Variants in EZH2 observed in about 807,000 individuals in gnomAD.
The protein encoded by EZH2 is histone-lysine N-methyltransferase EZH2.
A neutral mutation model predicts 98.4 loss-of-function variants in EZH2; 18 were observed. The observed-to-expected ratio is 0.18, with a 90% confidence interval of 0.13 to 0.27. The LOEUF (loss-of-function observed/expected upper bound fraction) is 0.27, where lower values mean the gene tolerates loss of function less well. Ranked by LOEUF, EZH2 falls within the 10% of genes least tolerant of loss-of-function variation. The probability of loss-of-function intolerance (pLI) is 1.00; values close to 1 mark genes in which losing one functional copy is unlikely to be tolerated. For missense variants in EZH2, 470 were observed against 935.1 expected (o/e 0.50, Z 6.49); for synonymous variants, 338 against 312.3 (o/e 1.08, Z -0.87).
chr7:148,874,356 C>A (rs1819881989), intron 1 of EZH2, among the ~76,000 whole-genome samples: 1 of 152,086 alleles, frequency 6.6e-6, no homozygotes, highest in Non-Finnish European at 1.5e-5. Flanking sequence ...CCACTGAAAT[C>A]CAGGCTGGGT....
In EZH2 at chr7:148,811,723, A is replaced by G. The variant is rs1729337219; in HGVS notation, c.1852-3T>C. The G allele has an allele frequency of 5.6e-6, 9 of 1,610,282 alleles. No homozygotes were observed. The highest frequency in any genetic ancestry group is 7.6e-6 in the Non-Finnish European group (9 of 1,179,338). ...TCAGATGGTGCCAGCAATAGATGCT[A>G]GAGAATAAAACACAATCACATCATC... On this transcript the variant is annotated splice_polypyrimidine_tract_variant and splice_region_variant and intron_variant, in intron 15 of 19. Transcript: ENST00000320356.
At chr7:148,881,357 T>A (rs1820926382) in intron 1 of EZH2, among the ~76,000 whole-genome samples, 2 of 152,178 alleles carry the variant, frequency 1.3e-5, no homozygotes, top group Non-Finnish European at 2.9e-5. Context: ...GAAATTTGCC[T>A]AAAATTTTTA....
intron 8 of EZH2, among the ~76,000 whole-genome samples, chr7:148,824,448 T>C (rs1372951100): frequency 6.6e-6 from 1 of 152,238 alleles, no homozygotes; most frequent in East Asian, 1.9e-4. Flanking sequence ...ATATTTTCTA[T>C]GTTTATTATG....
chr7:148,883,992 C>G (rs1370830729), intron 1 of EZH2, 172 bp downstream of exon 1: 1 of 152,280 alleles, frequency 6.6e-6, no homozygotes, highest in Non-Finnish European at 1.5e-5. Context: ...GAGGGGGGCT[C>G]TCCCCTCACC....
chr7:148,829,596 T>C (rs1028923323), intron 5 of EZH2, 132 bp downstream of exon 5: 8 of 943,848 alleles, frequency 8.5e-6, no homozygotes, highest in African/African-American at 5.3e-5. Flanking sequence ...GGGCCCAGGT[T>C]CAGTCCCTTA....
chr7:148,866,600 ATAT>A (rs1431594199), intron 1 of EZH2, among the ~76,000 whole-genome samples: 2 of 147,086 alleles, frequency 1.4e-5, no homozygotes, highest in Non-Finnish European at 1.5e-5. Context: ...TATACACTAT[ATAT>A]TATATATAAT....
rs540507644 is a variant in EZH2 at position 148,881,206 on chromosome 7, T to C, written c.-8+2958A>G. 3.7e-4 allele frequency among the ~76,000 whole-genome samples: 56 copies of C among 152,366 alleles called. No homozygotes were observed. The South Asian group carries it at 5.4e-3, about 15-fold the overall frequency. ...AGAATACATTATATTGGAGGATTTG[T>C]CCTTGTTGGTTTTTAAAAAGCAGAT... is the stretch of plus-strand genomic sequence containing the variant. On this transcript the variant is annotated intron_variant, in intron 1 of 19. Transcript: ENST00000320356.
At chr7:148,817,179 ATGTT>A in intron 11 of EZH2, 39 bp downstream of exon 11, 1 of 1,569,518 alleles carries the variant, frequency 6.4e-7, no homozygotes, top group Non-Finnish European at 8.7e-7. Context: ...TTTTATCTCT[ATGTT>A]TGAAGCTCTT....
intron 3 of EZH2, among the ~76,000 whole-genome samples, chr7:148,836,077 A>C (rs1810846397): frequency 6.6e-6 from 1 of 152,176 alleles, no homozygotes; most frequent in African/African-American, 2.4e-5. Context: ...ACAAGAAATA[A>C]GCTCTCTGAG....
intron 13 of EZH2, among the ~76,000 whole-genome samples, 191 bp from the exon 14 acceptor site, chr7:148,815,230 T>C (rs535313208): frequency 2.6e-5 from 4 of 152,256 alleles, no homozygotes; most frequent in Non-Finnish European, 2.9e-5. Context: ...CCCAAGTGCT[T>C]ATGAGTTCCA....
At chr7:148,854,605 T>A (rs183527594) in intron 1 of EZH2, among the ~76,000 whole-genome samples, 3 of 152,358 alleles carry the variant, frequency 2.0e-5, no homozygotes, top group Admixed American at 2.0e-4. Context: ...CTTTGACTCT[T>A]AACTGAATAC....
At chr7:148,834,362 C>CATATATATATATATAT (rs1283044499) in intron 3 of EZH2, among the ~76,000 whole-genome samples, 67 of 147,874 alleles carry the variant, frequency 4.5e-4, no homozygotes, top group African/African-American at 1.7e-3. Flanking sequence ...TACACACACA[C>CATATATATATATATAT]ACACACACAC....
At chr7:148,821,491 C>T (rs2129473164) in intron 8 of EZH2, among the ~76,000 whole-genome samples, 1 of 152,058 alleles carries the variant, frequency 6.6e-6, no homozygotes, top group East Asian at 1.9e-4. Flanking sequence ...AATAAACATA[C>T]CACTAATTTT....
At chr7:148,866,644 A>G (rs1007963252) in intron 1 of EZH2, among the ~76,000 whole-genome samples, 1 of 146,812 alleles carries the variant, frequency 6.8e-6, no homozygotes, top group Non-Finnish European at 1.5e-5. Flanking sequence ...ATACATATAC[A>G]TATACGTATA....
intron 2 of EZH2, among the ~76,000 whole-genome samples, 181 bp downstream of exon 2, chr7:148,847,001 T>C (rs1189286849): frequency 2.6e-5 from 4 of 152,098 alleles, no homozygotes; most frequent in African/African-American, 9.7e-5. Context: ...AAACAAAGAC[T>C]GATTAATGTG....
intron 6 of EZH2, among the ~76,000 whole-genome samples, 188 bp from the exon 7 acceptor site, chr7:148,827,454 C>G (rs1808048866): frequency 6.6e-6 from 1 of 152,130 alleles, no homozygotes; most frequent in Admixed American, 6.5e-5. Flanking sequence ...AAACAAAATT[C>G]AAATTCAAAT....
intron 1 of EZH2, among the ~76,000 whole-genome samples, chr7:148,879,321 CAGG>C (rs1454285657): frequency 3.1e-4 from 47 of 152,120 alleles, no homozygotes; most frequent in Non-Finnish European, 1.2e-4. Context: ...GAGGACGAGG[CAGG>C]TCAATCACTT....
intron 1 of EZH2, among the ~76,000 whole-genome samples, chr7:148,854,542 A>G (rs1287303134): frequency 1.3e-5 from 2 of 152,236 alleles, no homozygotes; most frequent in Admixed American, 6.5e-5. Flanking sequence ...CTCTAAAGAA[A>G]ACAATAAACT....
At chr7:148,853,094 T>C (rs1052410379) in intron 1 of EZH2, among the ~76,000 whole-genome samples, 7 of 152,158 alleles carry the variant, frequency 4.6e-5, no homozygotes, top group Non-Finnish European at 1.0e-4. Flanking sequence ...ATGAAACTGT[T>C]CCACCTCAGA....
Sources: allele counts gnomAD v4.1 joint callset (sites outside exome capture counted in the v4.1 genomes callset), GRCh38; gene constraint gnomAD v4.1.1; transcripts MANE v1.5; gene names NCBI Gene and HGNC (gene_info 2026-07-23, HGNC 2026-07-21).